MYO10: variants seen among roughly 807,000 people sequenced by gnomAD.
MYO10 encodes the protein myosin X.
In MYO10, 133 loss-of-function variants were observed where a neutral mutation model predicts 257.3. That is an observed-to-expected ratio of 0.52 (90% CI 0.45 to 0.60). The LOEUF is 0.60. MYO10 is among the 20% of genes least tolerant of loss of function. MYO10 has a pLI of 0.00. For missense variants in MYO10, 2,399 were observed against 2,635.7 expected, an observed-to-expected ratio of 0.91 and a Z score of 1.97; for synonymous variants, 1,104 against 1,028.6, an observed-to-expected ratio of 1.07 and a Z score of -1.40.
rs555415595 is a variant in MYO10, at chr5:16,842,808, T to C, written c.121-24641A>G. 4.4e-4 allele frequency among the ~76,000 whole-genome samples: 66 copies of C among 151,624 alleles called. No homozygotes were observed. In the East Asian group the frequency reaches 6.6e-3, roughly 15 times the overall value. On this transcript the variant is annotated intron_variant, in intron 2 of 40. Coordinates refer to ENST00000513610, the MANE Select transcript of MYO10 (RefSeq NM_012334.3). ...TAGTCGGGAGGCTGAGATGGGTAGA[T>C]TGCTTGAGCCTGGAGTTTGAGGTTA...
At chr5:16,748,484 A>G (rs1740278325) in intron 19 of MYO10, among the ~76,000 whole-genome samples, 1 of 150,988 alleles carries the variant, frequency 6.6e-6, no homozygotes, top group Non-Finnish European at 1.5e-5. Context: ...GCCTCAAGTG[A>G]TCCGCGCCCC....
chr5:16,696,475 C>T (rs73049059), intron 26 of MYO10, among the ~76,000 whole-genome samples: 1 of 152,292 alleles, frequency 6.6e-6, no homozygotes, highest in African/African-American at 2.4e-5. Flanking sequence ...AAAACTCACC[C>T]ATTTAACTTC....
chr5:16,832,005 C>A (rs1033769648), intron 2 of MYO10, among the ~76,000 whole-genome samples: 1 of 152,122 alleles, frequency 6.6e-6, no homozygotes, highest in Non-Finnish European at 1.5e-5. Flanking sequence ...TGCAGTGGAG[C>A]AATCTCAGCT....
intron 2 of MYO10, among the ~76,000 whole-genome samples, chr5:16,847,692 T>C (rs1315324650): frequency 6.6e-6 from 1 of 152,084 alleles, no homozygotes; most frequent in African/African-American, 2.4e-5. Context: ...ATTGTGCCAC[T>C]GCCCTCCAAC....
chr5:16,909,212 T>C (rs556914650), intron 1 of MYO10, among the ~76,000 whole-genome samples: 1 of 152,216 alleles, frequency 6.6e-6, no homozygotes, highest in South Asian at 2.1e-4. Context: ...CTGCCCTTTA[T>C]AAAACCATCA....
Position 16,816,307 on chromosome 5 carries a change from C to T in MYO10, c.279+1702G>A, listed in dbSNP as rs1454672824. Among the ~76,000 whole-genome samples the T allele has an allele frequency of 2.1e-5, 3 of 145,306 alleles. No individual in the cohort carries two copies. In the Admixed American group the frequency reaches 2.1e-4, roughly 10 times the overall value. ...TGAGCCAAGATAGTGCCAGTGCACTCCAGCCTGGTGACAGAGTGAGACTCT... is the reference window on the plus strand; with the variant it reads ...TGAGCCAAGATAGTGCCAGTGCACTTCAGCCTGGTGACAGAGTGAGACTCT... On this transcript the variant is annotated intron_variant, in intron 3 of 40. Transcript: ENST00000513610.
At chr5:16,756,370 A>C (rs947967631) in intron 18 of MYO10, among the ~76,000 whole-genome samples, 4 of 152,156 alleles carry the variant, frequency 2.6e-5, no homozygotes, top group African/African-American at 9.7e-5. Context: ...CCAGCCCATA[A>C]ATTTTAAAGG....
At chr5:16,840,692 ATGCAATATGCATTTTTGTTG>A (rs1247483353) in intron 2 of MYO10, among the ~76,000 whole-genome samples, 1 of 152,116 alleles carries the variant, frequency 6.6e-6, no homozygotes, top group Non-Finnish European at 1.5e-5. Context: ...CAATAAAAAA[ATGCAATATGCATTTTTGTTG>A]TGCAATATGC....
chr5:16,694,507 T>C lies in MYO10; in HGVS notation c.3664A>G (p.Lys1222Glu). The change falls in exon 27 of 41, where the codon AAA becomes GAA. Residue 1222 changes from lysine (K) to glutamate (E), a missense_variant. By Grantham distance (56) the Lys-to-Glu change is moderately conservative. Transcript: ENST00000513610. ...GACAGCGTGGAGGAGCCCCCCCCTT[T>C]TTTGTGGAGCCAGCCTTGCTTGAGG... The part of the protein sequence containing the change: ...EALKQGWLHK[K>E]GGGSSTLSRR... 1.2e-6 allele frequency: 2 copies of C among 1,613,966 alleles called. No individual in the cohort carries two copies. Among genetic ancestry groups the C allele is most frequent in the Admixed American group, 1.7e-5 (1 of 60,012 alleles).
At chr5:16,739,084 G>A (rs578054469) in intron 19 of MYO10, among the ~76,000 whole-genome samples, 1 of 151,208 alleles carries the variant, frequency 6.6e-6, no homozygotes, top group African/African-American at 2.4e-5. Context: ...CTACTCCAGT[G>A]CCGAGGCAGG....
intron 3 of MYO10, among the ~76,000 whole-genome samples, chr5:16,810,523 T>C (rs908708511): frequency 6.6e-6 from 1 of 152,210 alleles, no homozygotes; most frequent in Non-Finnish European, 1.5e-5. Context: ...CTGGGTGCAG[T>C]GGCTCATGCC....
chr5:16,829,300 C>T (rs111610393), intron 2 of MYO10, among the ~76,000 whole-genome samples: 162 of 152,226 alleles, frequency 1.1e-3, no homozygotes, highest in African/African-American at 3.5e-3. Context: ...TTAGGGAGGG[C>T]ACAGAATCTT....
intron 1 of MYO10, among the ~76,000 whole-genome samples, chr5:16,893,291 A>ATAAATGCC (rs1745122081): frequency 6.6e-6 from 1 of 152,106 alleles, no homozygotes; most frequent in African/African-American, 2.4e-5. Flanking sequence ...TTTAAATGAC[A>ATAAATGCC]TAAATGCCTC....
chr5:16,672,643 A>AT, intron 37 of MYO10, 46 bp downstream of exon 37: 1 of 1,610,166 alleles, frequency 6.2e-7, no homozygotes, highest in Non-Finnish European at 8.5e-7. Context: ...CTGCTCTGCA[A>AT]TTTCTCTTAT....
At position 16,807,386 on chromosome 5, in the gene MYO10, C is replaced by T. The variant is rs182150277; in HGVS notation, c.279+10623G>A. Reference sequence around the variant, plus strand: ...TACAGAAATTCAGCTTACTTGGCCCCCAAACCCAGTTAAACACTTAGCATC... The same window carrying T: ...TACAGAAATTCAGCTTACTTGGCCCTCAAACCCAGTTAAACACTTAGCATC... On this transcript the variant is annotated intron_variant, in intron 3 of 40. Transcript: ENST00000513610. Among the ~76,000 whole-genome samples, 121 of 152,230 alleles carry T rather than the reference C, an allele frequency of 7.9e-4. 1 individual carries two copies. Among genetic ancestry groups the T allele is most frequent in the Non-Finnish European group, 5.9e-5 (4 of 68,010 alleles).
At chr5:16,878,078 C>A (rs1231159772) in intron 1 of MYO10, among the ~76,000 whole-genome samples, 1 of 152,194 alleles carries the variant, frequency 6.6e-6, no homozygotes, top group Non-Finnish European at 1.5e-5. Flanking sequence ...ACTTGCCCAG[C>A]ATCACAAAGA....
chr5:16,924,957 A>G (rs573910324), intron 1 of MYO10, among the ~76,000 whole-genome samples: 14 of 150,816 alleles, frequency 9.3e-5, no homozygotes, highest in Non-Finnish European at 1.9e-4. Context: ...CAGCCTCCCA[A>G]ATAGCTGGGA....
Position 16,769,188 on chromosome 5 carries a change from T to C in MYO10, c.946A>G (p.Met316Val), listed in dbSNP as rs1214859051. 1.1e-5 allele frequency: 17 copies of C among 1,609,364 alleles called. No individual in the cohort carries two copies. Among genetic ancestry groups the C allele is most frequent in the Non-Finnish European group, 1.4e-5 (16 of 1,178,382 alleles). ...FREVITAMDVMQFSKEEVREV... is the reference protein window; with the variant it reads ...FREVITAMDVVQFSKEEVREV... ...CGAACTTCCTCCTTGCTGAACTGCA[T>C]CACGTCCATTGCCGTCTAGAAGAAA... Residue 316 changes from methionine to valine, a missense_variant, in exon 10 of 41, where the codon ATG (methionine) becomes GTG (valine). Transcript: ENST00000513610.
At chr5:16,838,707 A>T (rs1743384902) in intron 2 of MYO10, among the ~76,000 whole-genome samples, 1 of 152,192 alleles carries the variant, frequency 6.6e-6, no homozygotes, top group South Asian at 2.1e-4. Flanking sequence ...GAACTTCCAC[A>T]ATTAAAGAGG....
Sources: gnomAD v4.1 joint callset for allele counts (sites outside exome capture counted in the v4.1 genomes callset) on GRCh38, gnomAD v4.1.1 for gene constraint, MANE v1.5 for transcripts, NCBI Gene and HGNC (gene_info 2026-07-23, HGNC 2026-07-21) for gene names.